Variants in ATP7A observed in about 807,000 individuals in gnomAD.
ATP7A encodes copper-transporting ATPase 1.
ATP7A carries 7 observed loss-of-function variants against 83.5 expected under a neutral mutation model. The observed-to-expected ratio is 0.08, with a 90% confidence interval of 0.05 to 0.16. ATP7A has a LOEUF of 0.16. ATP7A is among the 10% of genes least tolerant of loss of function. ATP7A has a pLI of 1.00. For synonymous variants in ATP7A, 354 were observed against 395.2 expected (o/e 0.90, Z 1.24); for missense variants, 940 against 1,120.8 (o/e 0.84, Z 2.30).
intron 2 of ATP7A, among the ~76,000 whole-genome samples, chrX:77,972,882 A>G (rs1233089815): frequency 1.2e-4 from 13 of 108,777 alleles, no homozygotes; most frequent in African/African-American, 4.0e-4. Flanking sequence ...TTCAGACTCT[A>G]GGGCTTTAAG....
At chrX:77,964,349 A>G (rs1358143253) in intron 1 of ATP7A, 1 of 112,057 alleles carries the variant, frequency 8.9e-6, no homozygotes, top group Admixed American at 9.5e-5. Flanking sequence ...CTGAAGCTCC[A>G]CAATGGTGCA....
At chrX:78,001,282 T>C (rs1375479038) in intron 5 of ATP7A, among the ~76,000 whole-genome samples, 1 of 111,590 alleles carries the variant, frequency 9.0e-6, no homozygotes, top group Non-Finnish European at 1.9e-5. Flanking sequence ...TTTTTTCTTT[T>C]TTTCACTGTG....
chrX:78,045,725 G>A (rs2078079289), intron 22 of ATP7A, among the ~76,000 whole-genome samples, 153 bp downstream of exon 22: 1 of 112,447 alleles, frequency 8.9e-6, no homozygotes, highest in Non-Finnish European at 1.9e-5. Flanking sequence ...GCTCACACCT[G>A]TAATCCCAGC....
In ATP7A at chrX:77,927,048, C is replaced by T. The variant is rs551398540; in HGVS notation, c.-22+16213C>T. On this transcript the variant is annotated intron_variant, in intron 1 of 22. Coordinates refer to ENST00000341514, the MANE Select transcript of ATP7A (RefSeq NM_000052.7). ...TCCTTTGTTTGCTTATTGTCCATCT[C>T]CCTCAAGAGAATATGAGCCCCATGA... 9.6e-4 allele frequency among the ~76,000 whole-genome samples: 107 copies of T among 111,871 alleles called. 1 individual carries two copies. In the South Asian group the frequency reaches 0.038, roughly 40 times the overall value.
At chrX:77,933,320 G>A (rs1321441723) in intron 1 of ATP7A, among the ~76,000 whole-genome samples, 2 of 111,462 alleles carry the variant, frequency 1.8e-5, no homozygotes, top group African/African-American at 3.3e-5. Context: ...AAAAACTGTA[G>A]AGACAGGGGT....
Position 77,970,690 on chromosome X carries a change from C to CAAAAA in ATP7A, c.-21-931_-21-930insAAAAA, listed in dbSNP as rs2077541536. Among the ~76,000 whole-genome samples, 3 of 110,954 alleles carry CAAAAA rather than the reference C, an allele frequency of 2.7e-5. No homozygotes were observed. In the South Asian group the frequency reaches 1.2e-3, roughly 43 times the overall value. On this transcript the variant is annotated intron_variant, in intron 1 of 22. Transcript: ENST00000341514. ...TCAAAAACAAAAACAAAAACAAAAA[C>CAAAAA]CAAAACAACAACAACAACAAAAAAC...
At chrX:77,934,226 C>T (rs2077306879) in intron 1 of ATP7A, among the ~76,000 whole-genome samples, 1 of 110,287 alleles carries the variant, frequency 9.1e-6, no homozygotes, top group Admixed American at 9.7e-5. Flanking sequence ...CCAGCCTGGG[C>T]AACATAGCAA....
intron 1 of ATP7A, among the ~76,000 whole-genome samples, chrX:77,959,145 A>G (rs1557227764): frequency 9.0e-6 from 1 of 110,619 alleles, no homozygotes; most frequent in Non-Finnish European, 1.9e-5. Context: ...GTTTATTCCT[A>G]AGTATCTTTT....
chrX:77,922,127 T>TA (rs1284245855), intron 1 of ATP7A, among the ~76,000 whole-genome samples: 1 of 110,637 alleles, frequency 9.0e-6, no homozygotes, highest in African/African-American at 3.3e-5. Context: ...TATTAATATT[T>TA]ACTGTCATAG....
intron 12 of ATP7A, among the ~76,000 whole-genome samples, chrX:78,016,944 C>T (rs1236465551): frequency 8.9e-6 from 1 of 112,159 alleles, no homozygotes; most frequent in South Asian, 3.7e-4. Flanking sequence ...GGATAGTGGC[C>T]CTCTTCTCAC....
At chrX:78,001,153 T>A (rs1264868199) in intron 5 of ATP7A, among the ~76,000 whole-genome samples, 2 of 111,770 alleles carry the variant, frequency 1.8e-5, no homozygotes, top group Non-Finnish European at 3.8e-5. Flanking sequence ...TTTCCTACTT[T>A]CTCTATACCT....
Position 77,967,664 on chromosome X carries a change from G to T in ATP7A, c.-21-3957G>T, listed in dbSNP as rs782614039. Among the ~76,000 whole-genome samples, 4 of 111,817 alleles carry T rather than the reference G, an allele frequency of 3.6e-5. No individual in the cohort carries two copies. The South Asian group carries it at 1.5e-3, about 42-fold the overall frequency. ...TGGATATTAGACCTTTGTCAGATGG[G>T]TAGATTGCAAAATGTTTTCTCCCAT... is the stretch of plus-strand genomic sequence containing the variant. On this transcript the variant is annotated intron_variant, in intron 1 of 22. Transcript: ENST00000341514.
chrX:77,977,927 T>C (rs1426585797), intron 2 of ATP7A, among the ~76,000 whole-genome samples: 1 of 111,852 alleles, frequency 8.9e-6, no homozygotes, highest in Non-Finnish European at 1.9e-5. Flanking sequence ...AAAAAAATAT[T>C]TTACTAAGTG....
intron 14 of ATP7A, among the ~76,000 whole-genome samples, chrX:78,026,130 G>T (rs2077941932): frequency 9.0e-6 from 1 of 111,205 alleles, no homozygotes; most frequent in East Asian, 2.8e-4. Context: ...CCACTTAAAA[G>T]ACATAGAGTG....
At chrX:77,987,459 T>TGC (rs199531006) in intron 2 of ATP7A, among the ~76,000 whole-genome samples, 24 of 107,168 alleles carry the variant, frequency 2.2e-4, no homozygotes, top group East Asian at 1.8e-3. Flanking sequence ...TGTGTGTGTG[T>TGC]GTGTGTGTGT....
chrX:77,926,660 T>G (rs782439020), intron 1 of ATP7A, among the ~76,000 whole-genome samples: 5 of 111,457 alleles, frequency 4.5e-5, no homozygotes, highest in Admixed American at 9.5e-5. Context: ...CTCTCCTTTC[T>G]GAGATTTATT....
chrX:77,952,937 G>A (rs1445664199), intron 1 of ATP7A, among the ~76,000 whole-genome samples: 3 of 109,253 alleles, frequency 2.7e-5, no homozygotes, highest in Non-Finnish European at 3.8e-5. Context: ...GTGTGCCACC[G>A]TGGTCAGCTA....
intron 1 of ATP7A, among the ~76,000 whole-genome samples, chrX:77,928,142 TG>T: frequency 9.1e-6 from 1 of 110,168 alleles, no homozygotes; most frequent in East Asian, 2.8e-4. Context: ...AAAAATTTTT[TG>T]TAGGGACAGG....
chrX:78,029,822 A>C (rs1012385317), intron 15 of ATP7A, among the ~76,000 whole-genome samples: 13 of 111,770 alleles, frequency 1.2e-4, no homozygotes, highest in African/African-American at 4.2e-4. Flanking sequence ...CTTCACTGGG[A>C]CCTTCAATTG....
Sources: gnomAD v4.1 joint callset for allele counts (sites outside exome capture counted in the v4.1 genomes callset) on GRCh38, gnomAD v4.1.1 for gene constraint, MANE v1.5 for transcripts, NCBI Gene and HGNC (gene_info 2026-07-23, HGNC 2026-07-21) for gene names.